Variants in PDS5B observed in about 807,000 individuals in gnomAD.
PDS5B encodes sister chromatid cohesion protein PDS5 homolog B.
PDS5B carries 51 observed loss-of-function variants against 184.1 expected under a neutral mutation model. That is an observed-to-expected ratio of 0.28 (90% CI 0.22 to 0.35). The LOEUF (loss-of-function observed/expected upper bound fraction) is 0.35. Ranked by LOEUF, PDS5B falls within the 10% of genes least tolerant of loss-of-function variation. The pLI, the probability that PDS5B is intolerant of heterozygous loss-of-function variation, is 1.00. For missense variants in PDS5B, 1,180 were observed against 1,723.3 expected (o/e 0.68, Z 5.58); for synonymous variants, 566 against 569.2 (o/e 0.99, Z 0.08).
chr13:32,727,467 A>G (rs1429292308), intron 19 of PDS5B, among the ~76,000 whole-genome samples: 1 of 151,878 alleles, frequency 6.6e-6, no homozygotes, highest in Admixed American at 6.6e-5. Context: ...ACTCTTTTTA[A>G]TATTTCTTGA....
At chr13:32,771,992 G>A (rs1954804421) in intron 33 of PDS5B, among the ~76,000 whole-genome samples, 1 of 151,204 alleles carries the variant, frequency 6.6e-6, no homozygotes, top group Non-Finnish European at 1.5e-5. Flanking sequence ...AGTCTGTCTT[G>A]GAAGCCTATC....
chr13:32,600,305 A>T (rs2057953097), intron 1 of PDS5B, among the ~76,000 whole-genome samples: 1 of 152,174 alleles, frequency 6.6e-6, no homozygotes, highest in South Asian at 2.1e-4. Flanking sequence ...CATAAATACA[A>T]AATTTTTGTT....
At position 32,775,095 on chromosome 13, in the gene PDS5B, A is replaced by AATTT; in HGVS notation, c.*43_*44insATTT. 1 of 547,626 alleles carries AATTT rather than the reference A, an allele frequency of 1.8e-6. No homozygotes were observed. Among genetic ancestry groups the AATTT allele is most frequent in the East Asian group, 4.8e-5 (1 of 20,642 alleles). The allele number at this position is 547,626 out of a possible 1,614,324, so 33.9% of individuals were successfully genotyped here. ...CTTTCTCTGTGAAAGCTTTGGAAAA[A>AATTT]TCTTTTTTTTTTTTTTTGGTCAAGC... On this transcript the variant is annotated 3_prime_UTR_variant, in exon 35 of 35. Coordinates refer to ENST00000315596, the MANE Select transcript of PDS5B (RefSeq NM_015032.4).
intron 18 of PDS5B, 73 bp from the exon 19 acceptor site, chr13:32,709,873 A>T (rs1486423177): frequency 1.3e-5 from 11 of 847,420 alleles, no homozygotes; most frequent in Non-Finnish European, 1.8e-5. Context: ...AGTATTTCTA[A>T]TATGTAATAT....
At chr13:32,718,893 G>T in intron 19 of PDS5B, among the ~76,000 whole-genome samples, 1 of 152,204 alleles carries the variant, frequency 6.6e-6, no homozygotes, top group Non-Finnish European at 1.5e-5. Flanking sequence ...TGGATGGGGG[G>T]ATATAATACT....
chr13:32,658,114 T>G, intron 3 of PDS5B, 125 bp from the exon 4 acceptor site: 1 of 474,230 alleles, frequency 2.1e-6, no homozygotes. Context: ...AATAAAATTT[T>G]TTTCTGGTTC....
In PDS5B at chr13:32,775,072, TTCTC is replaced by T; in HGVS notation, c.*22_*25del. On this transcript the variant is annotated 3_prime_UTR_variant, in exon 35 of 35. Coordinates refer to ENST00000315596, the MANE Select transcript of PDS5B (RefSeq NM_015032.4). ...CGATGAACAAATGTAATTAATAACT[TTCTC>T]TGTGAAAGCTTTGGAAAAATCTTTT... 4 of 1,562,078 alleles carry T rather than the reference TTCTC, an allele frequency of 2.6e-6. No homozygotes were observed. Among genetic ancestry groups the T allele is most frequent in the Non-Finnish European group, 2.6e-6 (3 of 1,136,262 alleles).
chr13:32,644,406 C>T (rs937379898), intron 1 of PDS5B, among the ~76,000 whole-genome samples: 2 of 152,070 alleles, frequency 1.3e-5, no homozygotes, highest in Admixed American at 6.5e-5. Context: ...TACTTTTCAT[C>T]CTTGCTAAAC....
intron 1 of PDS5B, among the ~76,000 whole-genome samples, chr13:32,645,842 C>T (rs971764254): frequency 1.3e-5 from 2 of 152,056 alleles, no homozygotes; most frequent in Non-Finnish European, 2.9e-5. Flanking sequence ...CCCCTTTTTC[C>T]GTTAACATTT....
intron 18 of PDS5B, among the ~76,000 whole-genome samples, chr13:32,708,352 C>T (rs1952092370): frequency 6.6e-6 from 1 of 152,218 alleles, no homozygotes; most frequent in South Asian, 2.1e-4. Flanking sequence ...TCTCCTTTCT[C>T]TGTATCACTA....
chr13:32,682,369 T>G (rs1951271789), intron 10 of PDS5B, among the ~76,000 whole-genome samples: 1 of 152,206 alleles, frequency 6.6e-6, no homozygotes, highest in Non-Finnish European at 1.5e-5. Flanking sequence ...TCATATATGT[T>G]GAATCATACA....
intron 19 of PDS5B, among the ~76,000 whole-genome samples, chr13:32,730,533 G>T (rs1292952556): frequency 6.6e-6 from 1 of 152,006 alleles, no homozygotes; most frequent in Admixed American, 6.6e-5. Context: ...AAATTATTTT[G>T]GGCAGTATGG....
chr13:32,766,055 C>T (rs1175481281), intron 31 of PDS5B, among the ~76,000 whole-genome samples: 1 of 152,150 alleles, frequency 6.6e-6, no homozygotes, highest in African/African-American at 2.4e-5. Flanking sequence ...AGAAGAAAAT[C>T]CTTGAATTGG....
chr13:32,683,575 C>T (rs963294609), intron 10 of PDS5B, among the ~76,000 whole-genome samples: 1 of 152,156 alleles, frequency 6.6e-6, no homozygotes, highest in Non-Finnish European at 1.5e-5. Flanking sequence ...CCGCCTCGGC[C>T]TCCCAAAGTG....
At chr13:32,671,149 C>T (rs2140752604) in intron 7 of PDS5B, among the ~76,000 whole-genome samples, 1 of 152,224 alleles carries the variant, frequency 6.6e-6, no homozygotes, top group Admixed American at 6.5e-5. Flanking sequence ...TATTCATTTA[C>T]CAAACATATA....
chr13:32,697,484 T>A (rs1951739711), intron 15 of PDS5B, among the ~76,000 whole-genome samples: 1 of 152,182 alleles, frequency 6.6e-6, no homozygotes, highest in Admixed American at 6.5e-5. Context: ...GAAGAGATCT[T>A]AAGATGGATC....
chr13:32,637,276 G>A (rs1427805234), intron 1 of PDS5B, among the ~76,000 whole-genome samples: 2 of 141,288 alleles, frequency 1.4e-5, no homozygotes, highest in Non-Finnish European at 3.1e-5. Context: ...TTGCAAGGTA[G>A]CATTTATAGG....
intron 1 of PDS5B, among the ~76,000 whole-genome samples, chr13:32,637,864 C>G (rs1446414927): frequency 6.6e-6 from 1 of 152,160 alleles, no homozygotes; most frequent in Admixed American, 6.5e-5. Context: ...CAACTGATGA[C>G]TTTTAGTTAG....
chr13:32,680,849 AT>A (rs200690612), intron 10 of PDS5B, among the ~76,000 whole-genome samples: 3,423 of 152,064 alleles, frequency 0.023, 77 homozygotes, highest in South Asian at 0.062. Flanking sequence ...CTGATTTTGA[AT>A]TTTTTTTATT....
Sources: allele counts gnomAD v4.1 joint callset (sites outside exome capture counted in the v4.1 genomes callset), GRCh38; gene constraint gnomAD v4.1.1; transcripts MANE v1.5; gene names NCBI Gene and HGNC (gene_info 2026-07-23, HGNC 2026-07-21).